WDR27: variants seen among roughly 807,000 people sequenced by gnomAD.
WDR27 encodes WD repeat domain 27, also known as WD repeat-containing protein 27.
WDR27 carries 100 observed loss-of-function variants against 114.4 expected under a neutral mutation model. The observed-to-expected ratio is 0.87, with a 90% CI of 0.74 to 1.03. WDR27 has a LOEUF of 1.03. Ranked by LOEUF, WDR27 falls within the 50% of genes least tolerant of loss-of-function variation. The probability of loss-of-function intolerance (pLI) is 0.00; values close to 1 mark genes in which losing one functional copy is unlikely to be tolerated. For synonymous variants in WDR27, 449 were observed against 423.1 expected, an observed-to-expected ratio of 1.06 and a Z score of -0.75; for missense variants, 1,129 against 1,092.9, an observed-to-expected ratio of 1.03 and a Z score of -0.47.
rs539912605 is a variant in WDR27, at chr6:169,668,289, C to T, written c.457-104G>A. On this transcript the variant is annotated intron_variant, in intron 4 of 25. Coordinates refer to ENST00000448612, the MANE Select transcript of WDR27 (RefSeq NM_182552.5). ...GTCTGAGCTAAGAGGAAAGCTCAGG[C>T]GACAGGCACAGTCTCAGCAGTGTTA... 1.5e-4 allele frequency: 167 copies of T among 1,149,016 alleles called. 1 individual carries two copies. The highest frequency in any genetic ancestry group is 1.2e-3 in the Middle Eastern group (6 of 5,040). The allele number at this position is 1,149,016 out of a possible 1,614,324, so 71.2% of individuals were successfully genotyped here.
chr6:169,641,739 C>T (rs1819228708), intron 17 of WDR27, among the ~76,000 whole-genome samples: 1 of 152,208 alleles, frequency 6.6e-6, no homozygotes, highest in Non-Finnish European at 1.5e-5. Flanking sequence ...AAAGATTTCT[C>T]GTTTTTATAC....
At chr6:169,694,544 T>G (rs957649171) in intron 1 of WDR27, among the ~76,000 whole-genome samples, 9 of 152,158 alleles carry the variant, frequency 5.9e-5, no homozygotes, top group Non-Finnish European at 1.0e-4. Context: ...TTACATTGAG[T>G]GGAATACAAT....
At chr6:169,486,441 C>G (rs554630754) in intron 25 of WDR27, among the ~76,000 whole-genome samples, 2 of 152,068 alleles carry the variant, frequency 1.3e-5, no homozygotes, top group Non-Finnish European at 2.9e-5. Context: ...TTGCAGGCTC[C>G]GGCAGCCTTT....
chr6:169,571,268 A>T (rs1034793637), intron 25 of WDR27, among the ~76,000 whole-genome samples: 22 of 143,492 alleles, frequency 1.5e-4, no homozygotes, highest in East Asian at 1.0e-3. Context: ...ATTAAAAAAA[A>T]AATAAATAAA....
At chr6:169,503,991 A>T (rs973343935) in intron 25 of WDR27, among the ~76,000 whole-genome samples, 2 of 152,176 alleles carry the variant, frequency 1.3e-5, no homozygotes, top group Admixed American at 1.3e-4. Flanking sequence ...AAAGTATGCT[A>T]CATATCAAAG....
rs1161890486 is a variant in WDR27 at position 169,574,851 on chromosome 6, A to T, written c.2524-2311T>A. On this transcript the variant is annotated intron_variant, in intron 24 of 25. Transcript: ENST00000448612. ...AGCTTATCTCTGCAGGCACGTATTC[A>T]GATCAGGGAAGTCACTCAAAGGCAT... 3.3e-5 allele frequency among the ~76,000 whole-genome samples: 5 copies of T among 152,354 alleles called. No homozygotes were observed. In the South Asian group the frequency reaches 8.3e-4, roughly 25 times the overall value.
intron 25 of WDR27, among the ~76,000 whole-genome samples, chr6:169,484,057 C>T (rs1008877307): frequency 6.6e-6 from 1 of 152,148 alleles, no homozygotes; most frequent in South Asian, 2.1e-4. Context: ...GACAAACCCA[C>T]AGCCAATGTT....
chr6:169,509,939 AAAC>A (rs1229206285), intron 25 of WDR27, among the ~76,000 whole-genome samples: 38 of 152,314 alleles, frequency 2.5e-4, no homozygotes, highest in Admixed American at 2.6e-4. Flanking sequence ...TACAAGAAAG[AAAC>A]AAACAACCCC....
At chr6:169,569,212 T>C (rs1384524301) in intron 25 of WDR27, among the ~76,000 whole-genome samples, 3 of 150,610 alleles carry the variant, frequency 2.0e-5, no homozygotes, top group African/African-American at 7.3e-5. Flanking sequence ...ATGGTTTATT[T>C]TGATGTTTAT....
chr6:169,614,698 A>AC, intron 21 of WDR27, among the ~76,000 whole-genome samples: 1 of 152,044 alleles, frequency 6.6e-6, no homozygotes, highest in East Asian at 1.9e-4. Flanking sequence ...AAAAAAAAAA[A>AC]AGAAAAGAAA....
At chr6:169,692,214 T>C (rs1053692104) in intron 1 of WDR27, among the ~76,000 whole-genome samples, 2 of 152,176 alleles carry the variant, frequency 1.3e-5, no homozygotes, top group African/African-American at 4.8e-5. Flanking sequence ...GCACTCCTAG[T>C]CTCCAGCTCC....
intron 25 of WDR27, among the ~76,000 whole-genome samples, chr6:169,554,034 T>C (rs1297874829): frequency 6.6e-6 from 1 of 152,260 alleles, no homozygotes; most frequent in African/African-American, 2.4e-5. Flanking sequence ...TTTAGTGTGC[T>C]ATTGTTCTAG....
chr6:169,689,109 A>C (rs2128299651), intron 1 of WDR27, 97 bp from the exon 2 acceptor site: 1 of 715,808 alleles, frequency 1.4e-6, no homozygotes, highest in East Asian at 3.0e-5. Context: ...TTGACCACAC[A>C]CATATACCAC....
the WDR27 span, among the ~76,000 whole-genome samples, chr6:169,450,915 ATGAAC>A: frequency 6.6e-6 from 1 of 152,230 alleles, no homozygotes; most frequent in Non-Finnish European, 1.5e-5. Context: ...TGAAGCTCCT[ATGAAC>A]AGTCTCATAT....
intron 2 of WDR27, among the ~76,000 whole-genome samples, chr6:169,677,438 T>C (rs139054583): frequency 6.6e-6 from 1 of 152,348 alleles, no homozygotes; most frequent in East Asian, 1.9e-4. Flanking sequence ...TGGATGCTTC[T>C]AACAACATAC....
chr6:169,566,431 C>T (rs1238501590), intron 25 of WDR27, among the ~76,000 whole-genome samples: 1 of 152,252 alleles, frequency 6.6e-6, no homozygotes, highest in African/African-American at 2.4e-5. Context: ...AGAGTGGCCA[C>T]TGTCCCGGGG....
At chr6:169,560,800 C>T (rs193086989) in intron 25 of WDR27, among the ~76,000 whole-genome samples, 205 of 152,268 alleles carry the variant, frequency 1.3e-3, no homozygotes, top group Non-Finnish European at 1.1e-3. Context: ...GATACACACA[C>T]GCCCCTCACA....
At chr6:169,428,178 C>A in the WDR27 span, among the ~76,000 whole-genome samples, 1 of 152,162 alleles carries the variant, frequency 6.6e-6, no homozygotes, top group African/African-American at 2.4e-5. Context: ...AGGATGGAAA[C>A]CCCCAGCCTT....
At chr6:169,474,052 G>A (rs1053013371) in intron 25 of WDR27, among the ~76,000 whole-genome samples, 2 of 152,190 alleles carry the variant, frequency 1.3e-5, no homozygotes, top group African/African-American at 2.4e-5. Flanking sequence ...TGAAGGACAG[G>A]AACAAATCCT....
Sources: gnomAD v4.1 joint callset for allele counts (sites outside exome capture counted in the v4.1 genomes callset) on GRCh38, gnomAD v4.1.1 for gene constraint, MANE v1.5 for transcripts, NCBI Gene and HGNC (gene_info 2026-07-23, HGNC 2026-07-21) for gene names.